Variants in BMPR1A observed in about 807,000 individuals in gnomAD.
The protein encoded by BMPR1A is bone morphogenetic protein receptor type-1A.
BMPR1A carries 7 observed loss-of-function variants against 66.0 expected under a neutral mutation model. That is an observed-to-expected ratio of 0.11 (90% confidence interval 0.06 to 0.20). The LOEUF is 0.20. Ranked by LOEUF, BMPR1A falls within the 10% of genes least tolerant of loss-of-function variation. BMPR1A has a pLI of 1.00. For synonymous variants in BMPR1A, 200 were observed against 229.7 expected (o/e 0.87, Z 1.17); for missense variants, 408 against 669.1 (o/e 0.61, Z 4.31).
Position 86,797,247 on chromosome 10 carries a change from T to TTTTTTTTTTG in BMPR1A, c.-268+40329_-268+40330insTTTTTTTTGT, listed in dbSNP as rs1372738374. Among the ~76,000 whole-genome samples, 32 of 124,960 alleles carry TTTTTTTTTTG rather than the reference T, an allele frequency of 2.6e-4. 2 individuals are homozygous for TTTTTTTTTTG. Among genetic ancestry groups the TTTTTTTTTTG allele is most frequent in the Middle Eastern group, 4.1e-3 (1 of 242 alleles). 82.0% of individuals were successfully genotyped at this position (124,960 alleles called of 152,430 possible). ...GCCCGGCTAATTTTTTTTTTTTTTT[T>TTTTTTTTTTG]TGAGACGGAGTCTTGCTCTGTTGTC... is the stretch of plus-strand genomic sequence containing the variant. On this transcript the variant is annotated intron_variant, in intron 1 of 12. Coordinates refer to ENST00000372037, the MANE Select transcript of BMPR1A (RefSeq NM_004329.3).
At position 86,890,185 on chromosome 10, in the gene BMPR1A, C is replaced by T. The variant is rs760515128; in HGVS notation, c.191C>T (p.Ser64Leu). The T allele has an allele frequency of 6.2e-7, 1 of 1,614,118 alleles. No individual in the cohort carries two copies. Among genetic ancestry groups the T allele is most frequent in the Non-Finnish European group, 8.5e-7 (1 of 1,180,008 alleles). ...TTGCCTTTTTTAAAGTGCTATTGCT[C>T]AGGGCACTGTCCAGATGATGCTATT... ...DTLPFLKCYC[S>L]GHCPDDAINN... The change falls in exon 4 of 13, where the codon TCA becomes TTA. Residue 64 changes from serine (S) to leucine (L), a missense_variant. By Grantham distance (145) the Ser-to-Leu change is moderately radical (BLOSUM62 -2). Around this residue, in one of 5 missense-constraint regions of BMPR1A, gnomAD observed 68 missense variants for 83.0 expected, o/e 0.82. Coordinates refer to ENST00000372037, the MANE Select transcript of BMPR1A (RefSeq NM_004329.3).
chr10:86,790,186 AAAATATATATATATATATATAT>A (rs1841588234), intron 1 of BMPR1A, among the ~76,000 whole-genome samples: 1 of 31,308 alleles, frequency 3.2e-5, no homozygotes, highest in Non-Finnish European at 4.7e-5. Flanking sequence ...AAAAAAAAAA[AAAATATATATATATATATATAT>A]ATATATATAT....
At chr10:86,842,302 G>A (rs1486870279) in intron 2 of BMPR1A, among the ~76,000 whole-genome samples, 2 of 152,176 alleles carry the variant, frequency 1.3e-5, no homozygotes, top group Non-Finnish European at 2.9e-5. Context: ...AGTCTTCCCT[G>A]TTGATTGTTT....
At chr10:86,903,796 A>C (rs1843345945) in intron 7 of BMPR1A, among the ~76,000 whole-genome samples, 1 of 151,810 alleles carries the variant, frequency 6.6e-6, no homozygotes, top group Admixed American at 6.6e-5. Context: ...TTTAGTAGAG[A>C]CGGGGTTTCA....
chr10:86,909,166 G>T (rs1157905049), intron 7 of BMPR1A, among the ~76,000 whole-genome samples: 2 of 152,202 alleles, frequency 1.3e-5, no homozygotes, highest in Non-Finnish European at 2.9e-5. Context: ...AGGATGTGAG[G>T]ATGGAAGTAT....
In BMPR1A at chr10:86,917,122, T is replaced by C. The variant is rs1057520681; in HGVS notation, c.676-12T>C. On this transcript the variant is annotated splice_polypyrimidine_tract_variant and intron_variant, in intron 8 of 12. Coordinates refer to ENST00000372037, the MANE Select transcript of BMPR1A (RefSeq NM_004329.3). ...CATCAAGAGCTCAAACCTTTTACTT[T>C]TTTCTATAAAGGTTCAGCGAACTAT... The C allele has an allele frequency of 4.3e-6, 7 of 1,613,684 alleles. No individual in the cohort carries two copies. Among genetic ancestry groups the C allele is most frequent in the African/African-American group, 1.3e-5 (1 of 74,924 alleles).
chr10:86,761,612 G>A (rs940278631), intron 1 of BMPR1A, among the ~76,000 whole-genome samples: 8 of 152,190 alleles, frequency 5.3e-5, no homozygotes, highest in African/African-American at 1.7e-4. Context: ...CGCTAAGCAC[G>A]TGGGAGTTAT....
intron 2 of BMPR1A, among the ~76,000 whole-genome samples, chr10:86,868,543 C>A (rs553808006): frequency 3.3e-5 from 5 of 152,356 alleles, no homozygotes; most frequent in South Asian, 4.1e-4. Context: ...TGAGTCTATT[C>A]CTTCTCAGAA....
chr10:86,851,066 A>G (rs994331126), intron 2 of BMPR1A, among the ~76,000 whole-genome samples: 1 of 152,230 alleles, frequency 6.6e-6, no homozygotes, highest in Non-Finnish European at 1.5e-5. Context: ...AGAGGTTTTA[A>G]GTATATTCAG....
At chr10:86,796,159 T>G (rs1841707150) in intron 1 of BMPR1A, among the ~76,000 whole-genome samples, 1 of 152,188 alleles carries the variant, frequency 6.6e-6, no homozygotes. Flanking sequence ...TGTCGTATTT[T>G]TTTCCCAGTT....
At chr10:86,909,345 C>G (rs1276584968) in intron 7 of BMPR1A, among the ~76,000 whole-genome samples, 1 of 152,096 alleles carries the variant, frequency 6.6e-6, no homozygotes, top group Non-Finnish European at 1.5e-5. Context: ...GTAATCCCAG[C>G]AATTTGGGAG....
At chr10:86,813,717 A>G (rs1841999647) in intron 1 of BMPR1A, among the ~76,000 whole-genome samples, 1 of 152,108 alleles carries the variant, frequency 6.6e-6, no homozygotes, top group African/African-American at 2.4e-5. Context: ...ACGCACACCC[A>G]TTATGCGCCC....
intron 2 of BMPR1A, among the ~76,000 whole-genome samples, chr10:86,847,622 G>A (rs1842505979): frequency 6.6e-6 from 1 of 151,836 alleles, no homozygotes; most frequent in African/African-American, 2.4e-5. Context: ...GGCCAAGGTG[G>A]GAGGATTGCT....
chr10:86,908,069 T>A (rs1461074939), intron 7 of BMPR1A, among the ~76,000 whole-genome samples: 1 of 152,038 alleles, frequency 6.6e-6, no homozygotes, highest in Non-Finnish European at 1.5e-5. Context: ...CTGGGCATGG[T>A]GGTGCACATC....
intron 1 of BMPR1A, among the ~76,000 whole-genome samples, chr10:86,772,275 C>T (rs1380935936): frequency 6.6e-6 from 1 of 151,886 alleles, no homozygotes; most frequent in Non-Finnish European, 1.5e-5. Context: ...GGACTACAGG[C>T]GTCCTCCACC....
intron 2 of BMPR1A, among the ~76,000 whole-genome samples, chr10:86,864,760 T>A (rs1842759226): frequency 1.3e-5 from 2 of 152,178 alleles, no homozygotes; most frequent in African/African-American, 4.8e-5. Flanking sequence ...CTTCTTTTAT[T>A]GGGACCTTGT....
At chr10:86,823,221 T>A (rs1385680540) in intron 1 of BMPR1A, among the ~76,000 whole-genome samples, 1 of 152,246 alleles carries the variant, frequency 6.6e-6, no homozygotes, top group Non-Finnish European at 1.5e-5. Context: ...CAGCTGCTTG[T>A]ATTATTCTCC....
In BMPR1A at chr10:86,884,772, C is replaced by T. The variant is rs185576202; in HGVS notation, c.68-5290C>T. On this transcript the variant is annotated intron_variant, in intron 3 of 12. Coordinates refer to ENST00000372037, the MANE Select transcript of BMPR1A (RefSeq NM_004329.3). ...CATGTTTCTAGAAGCTTTTTTTTGC[C>T]ATTCAGTGACATTATGGATGACACT... Among the ~76,000 whole-genome samples, 38 of 151,930 alleles carry T rather than the reference C, an allele frequency of 2.5e-4. No homozygotes were observed. In the East Asian group the frequency reaches 7.2e-3, roughly 29 times the overall value.
chr10:86,764,443 ATCT>A lies in BMPR1A; in HGVS notation c.-268+7526_-268+7528del, dbSNP rs1841131330. Among the ~76,000 whole-genome samples, 3 of 152,330 alleles carry A rather than the reference ATCT, an allele frequency of 2.0e-5. No homozygotes were observed. The South Asian group carries it at 6.2e-4, about 32-fold the overall frequency. ...CAGATTATTCTTCCTTCATTTTATA[ATCT>A]TTTATTTAATAAAAATGTGGGGGAA... On this transcript the variant is annotated intron_variant, in intron 1 of 12. Coordinates refer to ENST00000372037, the MANE Select transcript of BMPR1A (RefSeq NM_004329.3).
Sources: gnomAD v4.1 joint callset for allele counts (sites outside exome capture counted in the v4.1 genomes callset) on GRCh38, gnomAD v4.1.1 for gene constraint, gnomAD v4.1.1 regional missense constraint, MANE v1.5 for transcripts, NCBI Gene and HGNC (gene_info 2026-07-23, HGNC 2026-07-21) for gene names.